Variants in NAV1 observed in about 807,000 individuals in gnomAD.
NAV1 encodes neuron navigator 1.
Under a neutral mutation model 175.2 loss-of-function variants are expected in NAV1, and 18 were observed. The ratio of observed to expected loss-of-function variants is 0.10; its 90% CI spans 0.07 to 0.15. NAV1 has a LOEUF of 0.15. Ranked by LOEUF, NAV1 falls within the 10% of genes least tolerant of loss-of-function variation. The pLI, the probability that NAV1 is intolerant of heterozygous loss-of-function variation, is 1.00. For synonymous variants in NAV1, 897 were observed against 978.7 expected (o/e 0.92, Z 1.56); for missense variants, 1,731 against 2,436.6 (o/e 0.71, Z 6.10).
chr1:201,645,153 A>G (rs1260424986), upstream of NAV1, among the ~76,000 whole-genome samples: 1 of 152,148 alleles, frequency 6.6e-6, no homozygotes, highest in African/African-American at 2.4e-5. Flanking sequence ...AACCAACCTA[A>G]ATGTCCAACA....
chr1:201,676,373 C>T (rs1313014590), intron 1 of NAV1, among the ~76,000 whole-genome samples: 1 of 152,212 alleles, frequency 6.6e-6, no homozygotes, highest in African/African-American at 2.4e-5. Context: ...CTCTCCCTTT[C>T]TCCTTCCCAA....
intron 3 of NAV1, among the ~76,000 whole-genome samples, chr1:201,719,338 C>G (rs112656027): frequency 6.6e-6 from 1 of 152,056 alleles, no homozygotes; most frequent in Non-Finnish European, 1.5e-5. Context: ...TCAGTGTCTG[C>G]TCCTTGGGTT....
intron 2 of NAV1, among the ~76,000 whole-genome samples, chr1:201,608,700 G>C (rs1667762419): frequency 6.8e-6 from 1 of 148,082 alleles, no homozygotes; most frequent in Non-Finnish European, 1.5e-5. Flanking sequence ...CAGCTCATGG[G>C]ACTTTTTTTC....
At chr1:201,811,466 T>C in intron 24 of NAV1, 137 bp from the exon 29 acceptor site, 1 of 998,720 alleles carries the variant, frequency 1.0e-6, no homozygotes, top group South Asian at 1.5e-5. Flanking sequence ...TGTGGTAATC[T>C]GCTGTAATCA....
intron 2 of NAV1, among the ~76,000 whole-genome samples, chr1:201,594,038 G>A (rs1326246757): frequency 6.6e-6 from 1 of 151,732 alleles, no homozygotes; most frequent in Non-Finnish European, 1.5e-5. Flanking sequence ...TGAGCTGAGA[G>A]CCAAGAAGTC....
chr1:201,718,604 C>T lies in NAV1; in HGVS notation c.1075C>T (p.Pro359Ser). 1 of 1,614,168 alleles carries T rather than the reference C, an allele frequency of 6.2e-7. No individual in the cohort carries two copies. The highest frequency in any genetic ancestry group is 8.5e-7 in the Non-Finnish European group (1 of 1,180,046). Residue 359 changes from proline to serine, a missense_variant, in exon 3 of 30, where the codon CCC (proline) becomes TCC (serine). Physicochemically the swap from Pro to Ser is moderately conservative, Grantham distance 74 (BLOSUM62 -1). Coordinates refer to ENST00000367296, the Ensembl canonical transcript of NAV1. This position sits in a 1 kb window ranked among gnomAD's most constrained non-coding sequence, Gnocchi z 4.8. ...ACGGGCCCACTACTCCCACACCATGCCCATGCGCAGCCCCAGCAAGCTCAG... is the reference window on the plus strand; with the variant it reads ...ACGGGCCCACTACTCCCACACCATGTCCATGCGCAGCCCCAGCAAGCTCAG...
At chr1:201,642,170 T>TCCC (rs1418059648) in intron 2 of NAV1, among the ~76,000 whole-genome samples, 19 of 120,660 alleles carry the variant, frequency 1.6e-4, no homozygotes, top group East Asian at 9.5e-4. Flanking sequence ...CTCCCCTCCC[T>TCCC]TCCTTCCTTC....
At chr1:201,729,981 G>T (rs1448291756) in intron 3 of NAV1, among the ~76,000 whole-genome samples, 3 of 152,100 alleles carry the variant, frequency 2.0e-5, no homozygotes, top group Admixed American at 1.3e-4. Context: ...CCCTTCTCTT[G>T]GTTACTCCTA....
chr1:201,564,942 G>T (rs1666307803), intron 1 of NAV1, among the ~76,000 whole-genome samples: 1 of 152,174 alleles, frequency 6.6e-6, no homozygotes, highest in Admixed American at 6.5e-5. Flanking sequence ...CTGCAGCTAG[G>T]AAAGGTTCTC....
chr1:201,567,307 G>T (rs1013176420), intron 1 of NAV1, among the ~76,000 whole-genome samples: 20 of 152,286 alleles, frequency 1.3e-4, no homozygotes, highest in African/African-American at 3.6e-4. Flanking sequence ...TTCTGATGGG[G>T]CTGTCCACAG....
At chr1:201,679,074 G>A (rs982726678) in intron 1 of NAV1, among the ~76,000 whole-genome samples, 1 of 152,140 alleles carries the variant, frequency 6.6e-6, no homozygotes. Flanking sequence ...ATGTGCAGGA[G>A]TTACCCAAAT....
At chr1:201,811,171 A>G (rs1678671364) in intron 24 of NAV1, among the ~76,000 whole-genome samples, 1 of 151,780 alleles carries the variant, frequency 6.6e-6, no homozygotes, top group Non-Finnish European at 1.5e-5. Flanking sequence ...TTTCAGTATT[A>G]CTCTCTGACC....
chr1:201,728,562 C>A (rs553841467), intron 3 of NAV1, among the ~76,000 whole-genome samples: 1 of 150,116 alleles, frequency 6.7e-6, no homozygotes, highest in African/African-American at 2.5e-5. Context: ...CCATTACACT[C>A]CAGCCTGGGC....
chr1:201,646,759 G>A (rs1004655541), upstream of NAV1, among the ~76,000 whole-genome samples: 5 of 152,160 alleles, frequency 3.3e-5, no homozygotes, highest in African/African-American at 9.7e-5. Flanking sequence ...CAGTGCTCAG[G>A]CCTCCAAATC....
intron 1 of NAV1, among the ~76,000 whole-genome samples, chr1:201,651,122 CGTGTGT>C (rs60462710): frequency 0.015 from 1,890 of 129,140 alleles, 40 homozygotes; most frequent in African/African-American, 0.048. Flanking sequence ...AGGAAGGGAC[CGTGTGT>C]GTGTGTGTGT....
chr1:201,824,706 T>G (rs1457945763), exon 30 of NAV1: 3 of 152,126 alleles, frequency 2.0e-5, no homozygotes, highest in Non-Finnish European at 4.4e-5. Flanking sequence ...GAGAATTTTC[T>G]GTGACAAGGG....
intron 1 of NAV1, among the ~76,000 whole-genome samples, chr1:201,553,590 T>C (rs1230855708): frequency 1.3e-5 from 2 of 152,250 alleles, no homozygotes; most frequent in Admixed American, 1.3e-4. Flanking sequence ...GACAAATGAA[T>C]ACGCCCATGT....
intron 3 of NAV1, among the ~76,000 whole-genome samples, chr1:201,721,980 C>A (rs993920661): frequency 1.3e-5 from 2 of 152,176 alleles, no homozygotes; most frequent in East Asian, 3.8e-4. Context: ...CCAAAGAAGG[C>A]AAATTCTTCA....
At chr1:201,569,848 T>C (rs749958353) in intron 1 of NAV1, among the ~76,000 whole-genome samples, 11 of 152,192 alleles carry the variant, frequency 7.2e-5, no homozygotes, top group African/African-American at 2.4e-4. Context: ...ACAAAGGCTC[T>C]GGAAGCAGAC....
Sources: allele counts gnomAD v4.1 joint callset (sites outside exome capture counted in the v4.1 genomes callset), GRCh38; gene constraint gnomAD v4.1.1; non-coding constraint Gnocchi (gnomAD v3.1); transcripts MANE v1.5; gene names NCBI Gene and HGNC (gene_info 2026-07-23, HGNC 2026-07-21).